The following NQO2 variants were observed in gnomAD, a reference collection of about 807,000 sequenced individuals.
The protein encoded by NQO2 is ribosyldihydronicotinamide dehydrogenase [quinone].
A neutral mutation model predicts 22.0 loss-of-function variants in NQO2; 18 were observed. The observed-to-expected ratio is 0.82, with a 90% CI of 0.56 to 1.21. NQO2 has a LOEUF of 1.21. Ranked by LOEUF, NQO2 falls within the 50% of genes most tolerant of loss-of-function variation. The pLI is 0.00. For missense variants in NQO2, 267 were observed against 286.9 expected, an observed-to-expected ratio of 0.93 and a Z score of 0.50; for synonymous variants, 106 against 110.8, an observed-to-expected ratio of 0.96 and a Z score of 0.28.
chr6:3,004,490 C>T (rs1342826471), intron 1 of NQO2: 4 of 985,818 alleles, frequency 4.1e-6, no homozygotes, highest in Non-Finnish European at 4.8e-6. Flanking sequence ...CCTTTCCATC[C>T]ACAGGGCACC....
intron 2 of NQO2, 133 bp from the exon 3 acceptor site, chr6:3,009,892 G>T: frequency 7.0e-7 from 1 of 1,419,234 alleles, no homozygotes. Context: ...GAGACAGAAA[G>T]AAAAGAAAAT....
intron 6 of NQO2, among the ~76,000 whole-genome samples, chr6:3,017,978 C>T (rs1283512450): frequency 6.6e-6 from 1 of 152,154 alleles, no homozygotes; most frequent in Non-Finnish European, 1.5e-5. Context: ...CTATTATGTC[C>T]TTTCAAAACA....
At chr6:3,016,555 C>T (rs1366924679) in intron 5 of NQO2, among the ~76,000 whole-genome samples, 1 of 152,026 alleles carries the variant, frequency 6.6e-6, no homozygotes, top group East Asian at 1.9e-4. Flanking sequence ...CTACCACTTA[C>T]TGAGCAGCCC....
Position 3,010,164 on chromosome 6 carries a change from G to A in NQO2, c.147G>A (p.Pro49=), listed in dbSNP as rs745625116. The A allele has an allele frequency of 2.9e-5, 46 of 1,611,900 alleles. No homozygotes were observed. Among genetic ancestry groups the A allele is most frequent in the Middle Eastern group, 3.3e-4 (2 of 6,080 alleles). ...ATTTGTATGCCATGAACCTTGAGCC[G>A]AGGGCCACAGACAAAGATATCACTG... ...VSDLYAMNLE[P]RATDKDITGT... The change falls in exon 3 of 7, where the codon CCG becomes CCA. Residue 49 remains proline, a synonymous_variant. Transcript: ENST00000380455.
In NQO2 at chr6:3,016,925, C is replaced by T. The variant is rs200429082; in HGVS notation, c.459C>T (p.Ala153=). 1.1e-4 allele frequency: 173 copies of T among 1,613,930 alleles called. No individual in the cohort carries two copies. Among genetic ancestry groups the T allele is most frequent in the Middle Eastern group, 1.6e-4 (1 of 6,076 alleles). Residue 153 remains alanine (A), a synonymous_variant, in exon 6 of 7, where the codon GCC becomes GCT. Transcript: ENST00000380455. ...ALLSVTTGGT[A]EMYTKTGVNG... Reference sequence around the variant, plus strand: ...TTTCCGTAACCACGGGAGGCACGGCCGAGATGTACACGAAGACAGGAGTCA... The same window carrying T: ...TTTCCGTAACCACGGGAGGCACGGCTGAGATGTACACGAAGACAGGAGTCA...
At position 3,014,076 on chromosome 6, in the gene NQO2, G is replaced by T. The variant is rs115024644; in HGVS notation, c.303+1402G>T. Reference sequence around the variant, plus strand: ...GGGCAGGAGAACGAGAGCACTGTTCGCATGAGTCCGCCATGTGAGGGCAAG... The same window carrying T: ...GGGCAGGAGAACGAGAGCACTGTTCTCATGAGTCCGCCATGTGAGGGCAAG... On this transcript the variant is annotated intron_variant, in intron 4 of 6. Coordinates refer to ENST00000380455, the MANE Select transcript of NQO2 (RefSeq NM_000904.6). 2.0e-3 allele frequency among the ~76,000 whole-genome samples: 301 copies of T among 152,278 alleles called. 3 individuals carry two copies. Among genetic ancestry groups the T allele is most frequent in the Non-Finnish European group, 3.7e-3 (254 of 68,008 alleles).
In NQO2 at chr6:3,006,677, G is replaced by T; in HGVS notation, c.7+118G>T. The T allele has an allele frequency of 1.9e-6, 2 of 1,040,462 alleles. No homozygotes were observed. Among genetic ancestry groups the T allele is most frequent in the Non-Finnish European group, 2.7e-6 (2 of 740,972 alleles). The allele number at this position is 1,040,462 out of a possible 1,614,324, so 64.5% of individuals were successfully genotyped here. A position where few individuals can be genotyped will look rare whatever the true frequency, so the allele number is the denominator to read the frequency against. On this transcript the variant is annotated intron_variant, in intron 2 of 6. Transcript: ENST00000380455. The surrounding 1 kb of genome is among the most constrained non-coding windows in gnomAD (Gnocchi z 4.0). ...GTGACCCTCCCACATTGACCTTCCAGGTGGGAGTTAGACTCTTAATCAGAA... is the reference window on the plus strand; with the variant it reads ...GTGACCCTCCCACATTGACCTTCCATGTGGGAGTTAGACTCTTAATCAGAA...
At chr6:3,011,262 GA>G (rs1757125649) in intron 3 of NQO2, among the ~76,000 whole-genome samples, 1 of 152,156 alleles carries the variant, frequency 6.6e-6, no homozygotes, top group Admixed American at 6.5e-5. Context: ...CAAAGAGATT[GA>G]AATAATTTTT....
chr6:3,015,438 T>C, intron 4 of NQO2, 92 bp from the exon 5 acceptor site: 4 of 1,512,278 alleles, frequency 2.6e-6, no homozygotes, highest in Non-Finnish European at 3.5e-6. Context: ...AGAGGAGGGC[T>C]GTGGGCTTCA....
intron 6 of NQO2, 28 bp downstream of exon 6, chr6:3,017,013 C>T (rs1340223767): frequency 6.2e-7 from 1 of 1,609,276 alleles, no homozygotes; most frequent in Non-Finnish European, 8.5e-7. Context: ...GGCTCCCTTG[C>T]TTGTTGGCAC....
chr6:3,016,861 T>G lies in NQO2; in HGVS notation c.418-23T>G, dbSNP rs772667261. 18 of 1,611,962 alleles carry G rather than the reference T, an allele frequency of 1.1e-5. No individual in the cohort carries two copies. In the East Asian group the frequency reaches 4.0e-4, roughly 36 times the overall value. On this transcript the variant is annotated intron_variant, in intron 5 of 6. Transcript: ENST00000380455. ...TGTCCTCTTCTGGAGTCCACACAAA[T>G]GCATCTGCTTTCTCCCTTGCAGGGT...
intron 2 of NQO2, among the ~76,000 whole-genome samples, chr6:3,008,743 AAG>A (rs1402704927): frequency 6.6e-6 from 1 of 152,206 alleles, no homozygotes; most frequent in Non-Finnish European, 1.5e-5. Flanking sequence ...CAGAGTACAA[AAG>A]AGAGAAATTT....
intron 2 of NQO2, chr6:3,007,068 CAGGT>C: frequency 2.6e-6 from 1 of 391,486 alleles, no homozygotes; most frequent in Non-Finnish European, 4.5e-6. Flanking sequence ...TTAGAACGCA[CAGGT>C]TCACCTTACT....
In NQO2 at chr6:3,006,232, C is replaced by A. The variant is rs1756945331; in HGVS notation, c.-85-236C>A. On this transcript the variant is annotated intron_variant, in intron 1 of 6. Coordinates refer to ENST00000380455, the MANE Select transcript of NQO2 (RefSeq NM_000904.6). This position sits in a 1 kb window ranked among gnomAD's most constrained non-coding sequence, Gnocchi z 4.0. ...ATTTCCTGGGTCCTTTGCTGTATGA[C>A]TGTCTGGATGGAAGGTTCAGAGTCC... is the stretch of plus-strand genomic sequence containing the variant. The A allele has an allele frequency of 1.5e-6, 1 of 668,456 alleles. No individual in the cohort carries two copies. Among genetic ancestry groups the A allele is most frequent in the Non-Finnish European group, 1.8e-6 (1 of 540,672 alleles). 41.4% of individuals were successfully genotyped at this position (668,456 alleles called of 1,614,324 possible).
Position 3,010,049 on chromosome 6 carries a change from C to T in NQO2, c.32C>T (p.Ala11Val), listed in dbSNP as rs766519661. ...GGTAAGAAAGTACTCATTGTCTATG[C>T]ACACCAGGAACCCAAGTCTTTCAAC... MAGKKVLIVY[A>V]HQEPKSFNGS... The change falls in exon 3 of 7, where the codon GCA (alanine) becomes GTA (valine). Residue 11 changes from alanine (A) to valine (V), a missense_variant. Transcript: ENST00000380455. 6 of 1,613,756 alleles carry T rather than the reference C, an allele frequency of 3.7e-6. No homozygotes were observed. Among genetic ancestry groups the T allele is most frequent in the Non-Finnish European group, 5.1e-6 (6 of 1,179,936 alleles).
chr6:3,006,562 A>G lies in NQO2; in HGVS notation c.7+3A>G. The G allele has an allele frequency of 1.2e-6, 2 of 1,606,766 alleles. No homozygotes were observed. Among genetic ancestry groups the G allele is most frequent in the Non-Finnish European group, 1.7e-6 (2 of 1,176,838 alleles). ...TCCACCTTCTTACGCTATGGCAGGT[A>G]ATGATTCACTATTGTGGAGTAAGAC... On this transcript the variant is annotated splice_donor_region_variant and intron_variant, in intron 2 of 6. Coordinates refer to ENST00000380455, the MANE Select transcript of NQO2 (RefSeq NM_000904.6). This position sits in a 1 kb window ranked among gnomAD's most constrained non-coding sequence, Gnocchi z 4.0.
chr6:3,016,761 TC>T, intron 5 of NQO2, 122 bp from the exon 6 acceptor site: 1 of 1,492,468 alleles, frequency 6.7e-7, no homozygotes, highest in African/African-American at 1.4e-5. Context: ...CATTTGTCCA[TC>T]CCTGGAGGGT....
chr6:3,015,164 G>T, intron 4 of NQO2: 1 of 1,308,074 alleles, frequency 7.6e-7, no homozygotes, highest in Non-Finnish European at 1.0e-6. Flanking sequence ...CACACCCCAG[G>T]CAGGCGAAGG....
Position 3,006,631 on chromosome 6 carries a change from G to T in NQO2, c.7+72G>T. The T allele has an allele frequency of 6.8e-7, 1 of 1,466,584 alleles. No homozygotes were observed. The highest frequency in any genetic ancestry group is 1.4e-5 in the South Asian group (1 of 73,914). The allele number at this position is 1,466,584 out of a possible 1,614,324, so 90.8% of individuals were successfully genotyped here. A position where few individuals can be genotyped will look rare whatever the true frequency, so the allele number is the denominator to read the frequency against. ...GGATTTTGTTGTATTGCCCAGGCTG[G>T]TCTCAAACTCCTGAGCTCAAGTGAC... On this transcript the variant is annotated intron_variant, in intron 2 of 6. Coordinates refer to ENST00000380455, the MANE Select transcript of NQO2 (RefSeq NM_000904.6). This position sits in a 1 kb window ranked among gnomAD's most constrained non-coding sequence, Gnocchi z 4.0.
Sources: allele counts gnomAD v4.1 joint callset (sites outside exome capture counted in the v4.1 genomes callset), GRCh38; gene constraint gnomAD v4.1.1; non-coding constraint Gnocchi (gnomAD v3.1); transcripts MANE v1.5; gene names NCBI Gene and HGNC (gene_info 2026-07-23, HGNC 2026-07-21).